MRPS27: variants seen among roughly 807,000 people sequenced by gnomAD.
The protein encoded by MRPS27 is small ribosomal subunit protein mS27.
In MRPS27, 43 loss-of-function variants were observed where a neutral mutation model predicts 48.9. The observed-to-expected ratio is 0.88, with a 90% confidence interval of 0.69 to 1.13. The LOEUF (loss-of-function observed/expected upper bound fraction) is 1.13, where lower values mean the gene tolerates loss of function less well. MRPS27 is among the 50% of genes most tolerant of loss of function. MRPS27 has a pLI of 0.00. For synonymous variants in MRPS27, 188 were observed against 171.9 expected (o/e 1.09, Z -0.73); for missense variants, 467 against 476.3 (o/e 0.98, Z 0.18).
intron 4 of MRPS27, among the ~76,000 whole-genome samples, chr5:72,260,046 T>C (rs972050362): frequency 3.3e-5 from 5 of 152,224 alleles, no homozygotes; most frequent in African/African-American, 1.2e-4. Flanking sequence ...ATTTCTATTA[T>C]TGATGACTAA....
chr5:72,256,034 T>C (rs928191860), intron 4 of MRPS27, among the ~76,000 whole-genome samples: 1 of 152,234 alleles, frequency 6.6e-6, no homozygotes, highest in Non-Finnish European at 1.5e-5. Flanking sequence ...TCAAGCATAC[T>C]GAATGAAAGC....
chr5:72,242,980 A>G (rs1045354258), intron 4 of MRPS27, among the ~76,000 whole-genome samples: 1 of 152,160 alleles, frequency 6.6e-6, no homozygotes, highest in South Asian at 2.1e-4. Context: ...AGCTTTCCAC[A>G]ATGTTTATCC....
At chr5:72,241,512 T>C in intron 4 of MRPS27, 6 of 825,834 alleles carry the variant, frequency 7.3e-6, no homozygotes, top group Non-Finnish European at 1.1e-5. Flanking sequence ...GCCAGCGGGG[T>C]TCAATTTTGG....
At chr5:72,297,604 GA>G in intron 3 of MRPS27, 27 bp downstream of exon 3, 1 of 1,449,034 alleles carries the variant, frequency 6.9e-7, no homozygotes, top group Non-Finnish European at 9.6e-7. Flanking sequence ...CTTGTTCTTG[GA>G]AAATATATAT....
chr5:72,243,858 T>C (rs1333631650), intron 4 of MRPS27, among the ~76,000 whole-genome samples: 3 of 152,362 alleles, frequency 2.0e-5, no homozygotes, highest in East Asian at 1.9e-4. Context: ...TACAGTTCTA[T>C]GAATTTTGAC....
chr5:72,265,368 T>C (rs1464175580), intron 4 of MRPS27, among the ~76,000 whole-genome samples: 1 of 152,194 alleles, frequency 6.6e-6, no homozygotes, highest in African/African-American at 2.4e-5. Flanking sequence ...GGCAGACTTT[T>C]AGAAGTAAGG....
chr5:72,315,534 G>A (rs1298441372), intron 1 of MRPS27, among the ~76,000 whole-genome samples: 1 of 149,484 alleles, frequency 6.7e-6, no homozygotes, highest in South Asian at 2.1e-4. Context: ...TCCAGCCTGG[G>A]CAACAGAGTG....
chr5:72,300,324 T>C (rs1363226688), intron 2 of MRPS27, among the ~76,000 whole-genome samples: 1 of 152,226 alleles, frequency 6.6e-6, no homozygotes, highest in Non-Finnish European at 1.5e-5. Context: ...TCTAGTAGAC[T>C]GCAGACTTCC....
Position 72,226,190 on chromosome 5 carries a change from T to A in MRPS27, c.704A>T (p.Glu235Val). Reference sequence around the variant, plus strand: ...CACAGCCCGTAGCCCTTGCTGCAACTCCACCTTCCCTGTGGCCAAAAAGAA... The same window carrying A: ...CACAGCCCGTAGCCCTTGCTGCAACACCACCTTCCCTGTGGCCAAAAAGAA... Reference protein sequence around the residue: ...LYGYALLGKVELQQGLRAVYH... With the variant: ...LYGYALLGKVVLQQGLRAVYH... The change falls in exon 9 of 11, where the codon GAG (glutamate) becomes GTG (valine). Residue 235 changes from glutamate (E) to valine (V), a missense_variant. Coordinates refer to ENST00000261413, the MANE Select transcript of MRPS27 (RefSeq NM_015084.3). The A allele has an allele frequency of 6.2e-7, 1 of 1,613,626 alleles. No individual in the cohort carries two copies. Among genetic ancestry groups the A allele is most frequent in the Non-Finnish European group, 8.5e-7 (1 of 1,179,672 alleles).
chr5:72,281,558 T>C (rs1333713927), intron 4 of MRPS27, among the ~76,000 whole-genome samples: 1 of 152,172 alleles, frequency 6.6e-6, no homozygotes, highest in Non-Finnish European at 1.5e-5. Context: ...GGTAAGTTTA[T>C]GAGTGTAGCA....
rs866696187 is a variant in MRPS27 at position 72,275,960 on chromosome 5, G to C, written c.281+19571C>G. On this transcript the variant is annotated intron_variant, in intron 4 of 10. Transcript: ENST00000261413. Reference sequence around the variant, plus strand: ...GCTGGTACTGATAACGCTTGGTACTGTGGCGTGCCTGGGCATTTAACAAAG... The same window carrying C: ...GCTGGTACTGATAACGCTTGGTACTCTGGCGTGCCTGGGCATTTAACAAAG... 2.0e-5 allele frequency among the ~76,000 whole-genome samples: 3 copies of C among 152,094 alleles called. No individual in the cohort carries two copies. In the South Asian group the frequency reaches 6.2e-4, roughly 32 times the overall value.
At chr5:72,303,746 T>G (rs1034048444) in intron 2 of MRPS27, among the ~76,000 whole-genome samples, 5 of 151,834 alleles carry the variant, frequency 3.3e-5, no homozygotes, top group Admixed American at 6.6e-5. Flanking sequence ...AGCAAGATTA[T>G]CTTTAAAAAA....
intron 4 of MRPS27, among the ~76,000 whole-genome samples, chr5:72,276,160 A>C (rs772449770): frequency 1.3e-5 from 2 of 152,190 alleles, no homozygotes; most frequent in Non-Finnish European, 2.9e-5. Context: ...CCCAACTTCA[A>C]ACCATACTAC....
At chr5:72,238,198 G>C in intron 4 of MRPS27, 70 bp from the exon 5 acceptor site, 1 of 1,017,524 alleles carries the variant, frequency 9.8e-7, no homozygotes, top group Non-Finnish European at 1.5e-6. Context: ...TCCATCGATA[G>C]GTCCTTCTCT....
At chr5:72,248,769 A>G (rs1424258122) in intron 4 of MRPS27, among the ~76,000 whole-genome samples, 4 of 150,832 alleles carry the variant, frequency 2.7e-5, no homozygotes, top group Admixed American at 6.6e-5. Flanking sequence ...GAGGCAAAAT[A>G]TCATTGCAGA....
intron 6 of MRPS27, 102 bp from the exon 7 acceptor site, chr5:72,232,660 A>T: frequency 2.6e-6 from 2 of 774,496 alleles, no homozygotes; most frequent in Non-Finnish European, 4.1e-6. Context: ...GGCATGGTTT[A>T]AAAAAATGCA....
intron 2 of MRPS27, among the ~76,000 whole-genome samples, chr5:72,311,106 G>GA (rs1300889035): frequency 6.6e-6 from 1 of 152,156 alleles, no homozygotes; most frequent in Non-Finnish European, 1.5e-5. Flanking sequence ...ACTGGAAGAG[G>GA]AAAAATGCTA....
rs78672112 is a variant in MRPS27, at chr5:72,299,489, T to A, written c.152-1787A>T. ...TCATTGCTTACGCATTTATTCCTTTTGTATTTTGAAATATATTAGCTATAT... is the reference window on the plus strand; with the variant it reads ...TCATTGCTTACGCATTTATTCCTTTAGTATTTTGAAATATATTAGCTATAT... On this transcript the variant is annotated intron_variant, in intron 2 of 10. Transcript: ENST00000261413. 6.4e-3 allele frequency among the ~76,000 whole-genome samples: 970 copies of A among 152,368 alleles called. 12 individuals carry two copies. The highest frequency in any genetic ancestry group is 0.022 in the African/African-American group (922 of 41,592).
At chr5:72,230,264 A>T (rs1242709598) in intron 7 of MRPS27, among the ~76,000 whole-genome samples, 1 of 152,138 alleles carries the variant, frequency 6.6e-6, no homozygotes, top group Non-Finnish European at 1.5e-5. Context: ...ATGCCTTCAA[A>T]GTTTTTCCAT....
Sources: gnomAD v4.1 joint callset for allele counts (sites outside exome capture counted in the v4.1 genomes callset) on GRCh38, gnomAD v4.1.1 for gene constraint, MANE v1.5 for transcripts, NCBI Gene and HGNC (gene_info 2026-07-23, HGNC 2026-07-21) for gene names.